The following WDTC1 variants were observed in gnomAD, a reference collection of about 807,000 sequenced individuals.
WDTC1 encodes the protein WD and tetratricopeptide repeats 1.
Under a neutral mutation model 76.0 loss-of-function variants are expected in WDTC1, and 12 were observed. That is an observed-to-expected ratio of 0.16 (90% CI 0.10 to 0.26). WDTC1 has a LOEUF of 0.26. WDTC1 is among the 10% of genes least tolerant of loss of function. The pLI, the probability that WDTC1 is intolerant of heterozygous loss-of-function variation, is 1.00. For missense variants in WDTC1, 511 were observed against 908.8 expected (o/e 0.56, Z 5.63); for synonymous variants, 326 against 350.8 (o/e 0.93, Z 0.79).
At chr1:27,291,031 G>A (rs560583210) in intron 6 of WDTC1, among the ~76,000 whole-genome samples, 1 of 152,228 alleles carries the variant, frequency 6.6e-6, no homozygotes, top group Non-Finnish European at 1.5e-5. Context: ...GCTGGTAGAA[G>A]CGGAGCGTCT....
At chr1:27,251,033 ATTTTTT>A (rs71584875) in intron 1 of WDTC1, among the ~76,000 whole-genome samples, 523 of 28,522 alleles carry the variant, frequency 0.018, 1 homozygote, top group South Asian at 0.036. Context: ...CTCCTGGCTA[ATTTTTT>A]TTTTTTTTTT....
At chr1:27,260,886 G>T in intron 1 of WDTC1, 70 bp from the exon 2 acceptor site, 1 of 727,454 alleles carries the variant, frequency 1.4e-6, no homozygotes, top group Non-Finnish European at 2.2e-6. Flanking sequence ...GGCTGTTTTA[G>T]GGGTGGAATT....
intron 1 of WDTC1, among the ~76,000 whole-genome samples, chr1:27,245,451 T>A (rs1486415305): frequency 6.6e-6 from 1 of 151,676 alleles, no homozygotes; most frequent in African/African-American, 2.4e-5. Context: ...AGAAGCCACG[T>A]AAATAACCAC....
Position 27,263,244 on chromosome 1 carries a change from TCCAGTTTG to T in WDTC1, c.132+11_132+18del. On this transcript the variant is annotated intron_variant, in intron 3 of 15. Transcript: ENST00000319394. ...TGGAAGCAGAGCTGCAGGTAAGAGA[TCCAGTTTG>T]CACCTTAGATGCAGATGGCCTGCTG... is the stretch of plus-strand genomic sequence containing the variant. 4.3e-6 allele frequency: 7 copies of T among 1,612,358 alleles called. No homozygotes were observed. The highest frequency in any genetic ancestry group is 5.1e-6 in the Non-Finnish European group (6 of 1,179,556).
At chr1:27,252,039 C>A (rs1488932307) in intron 1 of WDTC1, among the ~76,000 whole-genome samples, 1 of 151,510 alleles carries the variant, frequency 6.6e-6, no homozygotes, top group African/African-American at 2.4e-5. Flanking sequence ...TAGAGCAAGA[C>A]TCTGTCTCAA....
Position 27,294,527 on chromosome 1 carries a change from G to A in WDTC1, c.771G>A (p.Val257=). The part of the protein sequence containing the change: ...AQYYVAGHLP[V]KLPDYNNRLR... ...TATTCCCTGCAGGTCACCTGCCAGT[G>A]AAGCTTCCTGACTACAACAACCGTT... Residue 257 remains valine (V), a synonymous_variant, in exon 9 of 16, where the codon GTG becomes GTA. Transcript: ENST00000319394. 6.2e-7 allele frequency: 1 copy of A among 1,614,192 alleles called. No homozygotes were observed. Among genetic ancestry groups the A allele is most frequent in the South Asian group, 1.1e-5 (1 of 91,084 alleles).
intron 3 of WDTC1, among the ~76,000 whole-genome samples, chr1:27,263,489 G>A (rs1247014229): frequency 6.6e-6 from 1 of 151,814 alleles, no homozygotes; most frequent in African/African-American, 2.4e-5. Flanking sequence ...TCTGGAGTGC[G>A]GTGGCACGAT....
chr1:27,271,355 C>T (rs2012863307), intron 3 of WDTC1, among the ~76,000 whole-genome samples: 2 of 151,888 alleles, frequency 1.3e-5, no homozygotes, highest in Admixed American at 1.3e-4. Context: ...GCTGGGATGA[C>T]AGGCATCTGC....
chr1:27,257,846 A>G (rs1490156269), intron 1 of WDTC1, among the ~76,000 whole-genome samples: 6 of 152,176 alleles, frequency 3.9e-5, no homozygotes, highest in South Asian at 2.1e-4. Flanking sequence ...GCTGGAGTGC[A>G]GTGGTGCAGA....
At chr1:27,240,342 A>G (rs2011591347) in intron 1 of WDTC1, among the ~76,000 whole-genome samples, 1 of 152,058 alleles carries the variant, frequency 6.6e-6, no homozygotes, top group South Asian at 2.1e-4. Context: ...TAGGGCTGAT[A>G]TTTGAACCCA....
chr1:27,291,805 G>A (rs982741734), intron 6 of WDTC1, among the ~76,000 whole-genome samples: 3 of 152,130 alleles, frequency 2.0e-5, no homozygotes, highest in African/African-American at 7.2e-5. Context: ...GCACTTACTA[G>A]CAGTGTCATC....
intron 1 of WDTC1, among the ~76,000 whole-genome samples, chr1:27,253,448 CCTT>C (rs1304257228): frequency 8.2e-6 from 1 of 122,198 alleles, no homozygotes; most frequent in Non-Finnish European, 1.6e-5. Flanking sequence ...CCTTCCTCCT[CCTT>C]CCTCTTCTCT....
intron 1 of WDTC1, among the ~76,000 whole-genome samples, chr1:27,254,265 A>G (rs568380722): frequency 1.3e-5 from 2 of 152,170 alleles, no homozygotes; most frequent in Admixed American, 6.6e-5. Flanking sequence ...CCAGTATGCT[A>G]TCATTTCTTC....
intron 1 of WDTC1, among the ~76,000 whole-genome samples, chr1:27,242,595 G>A (rs969708513): frequency 2.6e-5 from 4 of 151,782 alleles, no homozygotes; most frequent in African/African-American, 9.7e-5. Flanking sequence ...TCAGCCTCCC[G>A]AGTAGCTGGG....
At chr1:27,304,337 C>A in intron 14 of WDTC1, 1 of 161,102 alleles carries the variant, frequency 6.2e-6, no homozygotes, top group South Asian at 1.8e-4. Context: ...AGGCCAGGCA[C>A]AGTGGCTCAT....
At chr1:27,289,043 A>C (rs1171946772) in intron 6 of WDTC1, among the ~76,000 whole-genome samples, 4 of 106,422 alleles carry the variant, frequency 3.8e-5, no homozygotes, top group Non-Finnish European at 5.7e-5. Context: ...TGACCCCCCC[A>C]CCTCCCTCCC....
At chr1:27,245,499 A>G (rs1455160406) in intron 1 of WDTC1, among the ~76,000 whole-genome samples, 3 of 151,666 alleles carry the variant, frequency 2.0e-5, no homozygotes, top group African/African-American at 7.3e-5. Context: ...AAGGCTAAGA[A>G]TGGAATTTTC....
At chr1:27,281,201 C>G (rs2013178756) in intron 3 of WDTC1, among the ~76,000 whole-genome samples, 1 of 152,044 alleles carries the variant, frequency 6.6e-6, no homozygotes, top group Non-Finnish European at 1.5e-5. Context: ...GTGGCTCACG[C>G]CTGTAATCCT....
Position 27,306,638 on chromosome 1 carries a change from C to T in WDTC1, c.*255C>T, listed in dbSNP as rs1163410439. On this transcript the variant is annotated 3_prime_UTR_variant, in exon 16 of 16. Coordinates refer to ENST00000319394, the MANE Select transcript of WDTC1 (RefSeq NM_001276252.2). The surrounding 1 kb of genome is among the most constrained non-coding windows in gnomAD (Gnocchi z 5.0). ...GGGACACCCCTCCATATGCCCCCCCCCATCTCCTGCTTTCATGTCCCTGGA... is the reference window on the plus strand; with the variant it reads ...GGGACACCCCTCCATATGCCCCCCCTCATCTCCTGCTTTCATGTCCCTGGA... The T allele has an allele frequency of 5.5e-6, 3 of 543,526 alleles. No individual in the cohort carries two copies. The highest frequency in any genetic ancestry group is 3.3e-6 in the Non-Finnish European group (1 of 303,430). The allele number at this position is 543,526 out of a possible 1,614,324, so 33.7% of individuals were successfully genotyped here.
Sources: gnomAD v4.1 joint callset for allele counts (sites outside exome capture counted in the v4.1 genomes callset) on GRCh38, gnomAD v4.1.1 for gene constraint, Gnocchi (gnomAD v3.1) non-coding constraint, MANE v1.5 for transcripts, NCBI Gene and HGNC (gene_info 2026-07-23, HGNC 2026-07-21) for gene names.